The following NCAN variants were observed in gnomAD, a reference collection of about 807,000 sequenced individuals.
The protein encoded by NCAN is neurocan core protein.
In NCAN, 47 loss-of-function variants were observed where a neutral mutation model predicts 121.8. That is an observed-to-expected ratio of 0.39 (90% confidence interval 0.31 to 0.49). The LOEUF is 0.49. Among genes scored for constraint, NCAN ranks in the 20% least tolerant of loss-of-function variants. NCAN has a pLI of 0.92. For missense variants in NCAN, 1,517 were observed against 1,773.4 expected, an observed-to-expected ratio of 0.86 and a Z score of 2.60; for synonymous variants, 633 against 702.0, an observed-to-expected ratio of 0.90 and a Z score of 1.55.
intron 12 of NCAN, among the ~76,000 whole-genome samples, chr19:19,241,618 C>T (rs2060903626): frequency 6.6e-6 from 1 of 151,858 alleles, no homozygotes; most frequent in South Asian, 2.1e-4. Flanking sequence ...GGGAGGATCA[C>T]TTAAGCCTAG....
chr19:19,215,783 A>T (rs2060794062), intron 1 of NCAN, among the ~76,000 whole-genome samples: 1 of 152,228 alleles, frequency 6.6e-6, no homozygotes, highest in Non-Finnish European at 1.5e-5. Context: ...GCCTGGACTG[A>T]GGATGCTGGG....
intron 8 of NCAN, among the ~76,000 whole-genome samples, chr19:19,231,602 A>G (rs568519044): frequency 6.6e-6 from 1 of 152,204 alleles, no homozygotes; most frequent in Admixed American, 6.5e-5. Flanking sequence ...TGCTGGGATT[A>G]CAGGCGTGAG....
intron 1 of NCAN, among the ~76,000 whole-genome samples, chr19:19,214,303 C>G (rs1013027917): frequency 1.3e-5 from 2 of 152,158 alleles, no homozygotes; most frequent in African/African-American, 4.8e-5. Context: ...CTTGCATATG[C>G]ATGAGGCTTG....
Position 19,238,351 on chromosome 19 carries a change from C to T in NCAN, c.3349C>T (p.Arg1117Cys), listed in dbSNP as rs373196301. 17 of 1,614,130 alleles carry T rather than the reference C, an allele frequency of 1.1e-5. No individual in the cohort carries two copies. The highest frequency in any genetic ancestry group is 1.3e-5 in the African/African-American group (1 of 75,056). The change falls in exon 11 of 15, where the codon CGC becomes TGC. Residue 1117 changes from arginine (R) to cysteine (C), a missense_variant. Physicochemically the swap from Arg to Cys is radical, Grantham distance 180. Transcript: ENST00000252575. ...ATGGGAAGATGCCGAGAAGGACTGCCGCCGCCGCTCCGGCCACCTGACCAG... is the reference window on the plus strand; with the variant it reads ...ATGGGAAGATGCCGAGAAGGACTGCTGCCGCCGCTCCGGCCACCTGACCAG... ...RAWEDAEKDCRRRSGHLTSVH... is the reference protein window; with the variant it reads ...RAWEDAEKDCCRRSGHLTSVH...
In NCAN at chr19:19,219,349, G is replaced by A. The variant is rs369374776; in HGVS notation, c.475+33G>A. ...GGGGGCAAAGGAGGGGCCGGGGGCCGGGGAGAGGGAGGGCTGAGCCTGGAG... is the reference window on the plus strand; with the variant it reads ...GGGGGCAAAGGAGGGGCCGGGGGCCAGGGAGAGGGAGGGCTGAGCCTGGAG... On this transcript the variant is annotated intron_variant, in intron 3 of 14. Transcript: ENST00000252575. 58 of 1,464,706 alleles carry A rather than the reference G, an allele frequency of 4.0e-5. No homozygotes were observed. The East Asian group carries it at 1.0e-3, about 25-fold the overall frequency. The allele number at this position is 1,464,706 out of a possible 1,614,324, so 90.7% of individuals were successfully genotyped here.
chr19:19,226,360 T>A (rs2060836807), intron 6 of NCAN, 126 bp from the exon 7 acceptor site: 3 of 745,254 alleles, frequency 4.0e-6, no homozygotes, highest in Non-Finnish European at 6.3e-6. Context: ...TCTCAGAAAC[T>A]ACTTAGGAGA....
chr19:19,250,201 G>T lies in NCAN; in HGVS notation c.*290G>T. On this transcript the variant is annotated 3_prime_UTR_variant, in exon 15 of 15. Coordinates refer to ENST00000252575, the MANE Select transcript of NCAN (RefSeq NM_004386.3). ...ACAAGTAGCAAAGCTCATTGGTCTG[G>T]TCTCTTGTTTGCCAGGCTGATTGAA... 1.7e-6 allele frequency: 1 copy of T among 591,092 alleles called. No homozygotes were observed. Among genetic ancestry groups the T allele is most frequent in the Non-Finnish European group, 3.2e-6 (1 of 313,598 alleles). The allele number at this position is 591,092 out of a possible 1,614,324, so 36.6% of individuals were successfully genotyped here. A position where few individuals can be genotyped will look rare whatever the true frequency, so the allele number is the denominator to read the frequency against.
intron 10 of NCAN, among the ~76,000 whole-genome samples, chr19:19,236,028 C>T (rs969573186): frequency 7.2e-5 from 11 of 152,204 alleles, no homozygotes; most frequent in African/African-American, 2.7e-4. Context: ...ATTACAGCCA[C>T]TGAGCCCAGC....
intron 3 of NCAN, among the ~76,000 whole-genome samples, chr19:19,220,068 T>C (rs548778235): frequency 2.2e-4 from 34 of 152,166 alleles, no homozygotes; most frequent in Non-Finnish European, 3.7e-4. Context: ...TACTATCTTG[T>C]CTTTAACACC....
intron 10 of NCAN, among the ~76,000 whole-genome samples, chr19:19,237,985 G>T (rs1034190890): frequency 3.9e-5 from 6 of 152,186 alleles, no homozygotes; most frequent in Non-Finnish European, 8.8e-5. Flanking sequence ...GGAGGTAGCA[G>T]TGAGCCGAGA....
At position 19,215,324 on chromosome 19, in the gene NCAN, T is replaced by C. The variant is rs114732784; in HGVS notation, c.-7-1623T>C. Among the ~76,000 whole-genome samples the C allele has an allele frequency of 6.8e-4, 104 of 152,304 alleles. 1 individual carries two copies. Among genetic ancestry groups the C allele is most frequent in the African/African-American group, 2.2e-3 (90 of 41,568 alleles). Reference sequence around the variant, plus strand: ...GCAGATGATGTTCTAATTTTCCATCTGCGCCCACCTCCTGAGCCCTGGTGA... The same window carrying C: ...GCAGATGATGTTCTAATTTTCCATCCGCGCCCACCTCCTGAGCCCTGGTGA... On this transcript the variant is annotated intron_variant, in intron 1 of 14. Coordinates refer to ENST00000252575, the MANE Select transcript of NCAN (RefSeq NM_004386.3).
intron 9 of NCAN, 107 bp downstream of exon 9, chr19:19,234,012 G>T: frequency 1.4e-6 from 1 of 703,362 alleles, no homozygotes; most frequent in Non-Finnish European, 2.5e-6. Context: ...CAAAAAGCTG[G>T]TTTCAGATGC....
At chr19:19,214,860 G>A (rs2060790742) in intron 1 of NCAN, among the ~76,000 whole-genome samples, 1 of 152,050 alleles carries the variant, frequency 6.6e-6, no homozygotes, top group Non-Finnish European at 1.5e-5. Context: ...TCTAATACCT[G>A]GCCAGGCCTG....
rs773084164 is a variant in NCAN at position 19,233,846 on chromosome 19, A to G, written c.3077A>G (p.Asn1026Ser). 17 of 1,614,026 alleles carry G rather than the reference A, an allele frequency of 1.1e-5. No homozygotes were observed. The highest frequency in any genetic ancestry group is 1.6e-4 in the Middle Eastern group (1 of 6,082). The stretch of plus-strand genomic sequence containing the variant: ...CTTCATGGAGGGACATGTAATGCCA[A>G]TGGCACCATGTATGGCTGTAGCTGT... Reference protein sequence around the residue: ...PCLHGGTCNANGTMYGCSCDQ... With the variant: ...PCLHGGTCNASGTMYGCSCDQ... Residue 1026 changes from asparagine (N) to serine (S), a missense_variant, in exon 9 of 15, where the codon AAT becomes AGT. Transcript: ENST00000252575.
At chr19:19,245,194 G>A in intron 12 of NCAN, 119 bp from the exon 13 acceptor site, 1 of 1,272,410 alleles carries the variant, frequency 7.9e-7, no homozygotes, top group Non-Finnish European at 1.1e-6. Flanking sequence ...GTAGAGATGG[G>A]AACACTGAAT....
intron 3 of NCAN, among the ~76,000 whole-genome samples, chr19:19,221,146 G>A (rs1017858867): frequency 6.6e-6 from 1 of 151,820 alleles, no homozygotes. Flanking sequence ...AGGCTGAGGT[G>A]GGAGGATTGC....
chr19:19,220,012 G>A (rs761352343), intron 3 of NCAN, among the ~76,000 whole-genome samples: 4 of 151,912 alleles, frequency 2.6e-5, no homozygotes, highest in South Asian at 2.1e-4. Context: ...GGGCCACACC[G>A]CGAGACTCTG....
intron 2 of NCAN, 107 bp downstream of exon 2, chr19:19,217,133 G>A (rs1267165462): frequency 3.5e-5 from 27 of 773,044 alleles, no homozygotes; most frequent in Non-Finnish European, 4.1e-5. Flanking sequence ...GCATGGGCTA[G>A]AGAATAAAAT....
intron 13 of NCAN, among the ~76,000 whole-genome samples, chr19:19,248,154 A>G (rs1314400454): frequency 6.6e-6 from 1 of 151,582 alleles, no homozygotes; most frequent in Non-Finnish European, 1.5e-5. Context: ...TTTTAAAAAC[A>G]ACAATAAGAG....
Sources: allele counts gnomAD v4.1 joint callset (sites outside exome capture counted in the v4.1 genomes callset), GRCh38; gene constraint gnomAD v4.1.1; transcripts MANE v1.5; gene names NCBI Gene and HGNC (gene_info 2026-07-23, HGNC 2026-07-21).